The following CENPN variants were observed in gnomAD, a reference collection of about 807,000 sequenced individuals.
CENPN encodes the protein interphase centromere complex protein 32.
CENPN carries 36 observed loss-of-function variants against 48.6 expected under a neutral mutation model. The observed-to-expected ratio is 0.74, with a 90% CI of 0.57 to 0.98. The LOEUF (loss-of-function observed/expected upper bound fraction) is 0.98. CENPN is among the 50% of genes least tolerant of loss of function. The pLI is 0.00. For synonymous variants in CENPN, 166 were observed against 135.2 expected, an observed-to-expected ratio of 1.23 and a Z score of -1.58; for missense variants, 439 against 399.2, an observed-to-expected ratio of 1.10 and a Z score of -0.85.
downstream of CENPN, chr16:81,032,725 A>T: frequency 6.3e-7 from 1 of 1,585,844 alleles, no homozygotes; most frequent in Non-Finnish European, 8.6e-7. Flanking sequence ...TAGACATTTA[A>T]ATGGTTAATC....
At chr16:81,008,307 A>G (rs542234956) in intron 1 of CENPN, among the ~76,000 whole-genome samples, 2 of 152,260 alleles carry the variant, frequency 1.3e-5, no homozygotes, top group East Asian at 3.9e-4. Context: ...CCCTCCTCAC[A>G]GTTTAATTTG....
chr16:81,032,202 A>T (rs1268667696), downstream of CENPN, among the ~76,000 whole-genome samples: 1 of 152,170 alleles, frequency 6.6e-6, no homozygotes, highest in Non-Finnish European at 1.5e-5. Flanking sequence ...CTGTCCTTCA[A>T]ATCTCATTAT....
At chr16:81,012,134 C>T in intron 2 of CENPN, 24 bp downstream of exon 2, 1 of 1,606,320 alleles carries the variant, frequency 6.2e-7, no homozygotes, top group Non-Finnish European at 8.5e-7. Context: ...AAATGATGAG[C>T]CTTGAACAGA....
chr16:81,019,012 G>C (rs567201865), intron 5 of CENPN, among the ~76,000 whole-genome samples: 26 of 152,240 alleles, frequency 1.7e-4, no homozygotes, highest in Non-Finnish European at 3.1e-4. Flanking sequence ...TAAAAGTTTG[G>C]AAAGGCCTGT....
At chr16:81,032,755 T>G, downstream of CENPN, 1 of 1,512,544 alleles carries the variant, frequency 6.6e-7, no homozygotes, top group African/African-American at 1.4e-5. Flanking sequence ...TCTCTCCTGA[T>G]ATACAGCTAA....
At chr16:81,022,576 C>G (rs761417413) in intron 6 of CENPN, 21 bp from the exon 7 acceptor site, 7 of 1,602,328 alleles carry the variant, frequency 4.4e-6, no homozygotes, top group Non-Finnish European at 5.1e-6. Flanking sequence ...TAGTAATAGT[C>G]TTGCAAATTT....
chr16:81,021,235 G>A (rs1044728259), intron 6 of CENPN, among the ~76,000 whole-genome samples: 3 of 152,036 alleles, frequency 2.0e-5, no homozygotes, highest in Admixed American at 6.5e-5. Context: ...TACACAAGGA[G>A]ACTGCTTTCA....
intron 1 of CENPN, among the ~76,000 whole-genome samples, chr16:81,009,605 T>C (rs1272515949): frequency 1.3e-5 from 2 of 152,232 alleles, no homozygotes; most frequent in Non-Finnish European, 2.9e-5. Flanking sequence ...TCTAAATGAC[T>C]CCTAATCCTT....
At chr16:81,017,091 A>G (rs943152529) in intron 3 of CENPN, 4 of 372,806 alleles carry the variant, frequency 1.1e-5, no homozygotes, top group African/African-American at 4.3e-5. Flanking sequence ...AACATAGAAT[A>G]AATACCAAAA....
chr16:81,029,130 A>C lies in CENPN; in HGVS notation c.*479A>C, dbSNP rs1255033131. 3.0e-6 allele frequency: 3 copies of C among 985,598 alleles called. No homozygotes were observed. Among genetic ancestry groups the C allele is most frequent in the African/African-American group, 3.5e-5 (2 of 57,260 alleles). The allele number at this position is 985,598 out of a possible 1,614,324, so 61.1% of individuals were successfully genotyped here. On this transcript the variant is annotated 3_prime_UTR_variant, in exon 11 of 11. Transcript: ENST00000305850. The stretch of plus-strand genomic sequence containing the variant: ...TTTAGGAGAATCATGAAATTGGTCT[A>C]TTCAAAGGATGGAGTTGAGTCCATT...
At chr16:81,020,438 G>C in intron 6 of CENPN, 162 bp downstream of exon 6, 1 of 634,558 alleles carries the variant, frequency 1.6e-6, no homozygotes, top group Non-Finnish European at 2.4e-6. Context: ...TGGGAGGATT[G>C]CTCGTGCCCA....
At chr16:81,021,272 C>G (rs572502140) in intron 6 of CENPN, among the ~76,000 whole-genome samples, 1 of 152,312 alleles carries the variant, frequency 6.6e-6, no homozygotes, top group African/African-American at 2.4e-5. Context: ...TGTTCCGAGC[C>G]TGCTTCTCTT....
At position 81,007,758 on chromosome 16, in the gene CENPN, G is replaced by A. The variant is rs557963579; in HGVS notation, c.-11+481G>A. Among the ~76,000 whole-genome samples, 3 of 152,316 alleles carry A rather than the reference G, an allele frequency of 2.0e-5. No individual in the cohort carries two copies. The South Asian group carries it at 6.2e-4, about 32-fold the overall frequency. ...GATCTTTTTGATCATGCGTTCCACA[G>A]ATCTTGAGCATCTACTGTATGTCAG... is the stretch of plus-strand genomic sequence containing the variant. On this transcript the variant is annotated intron_variant, in intron 1 of 10. Coordinates refer to ENST00000305850, the MANE Select transcript of CENPN (RefSeq NM_001100624.3).
chr16:81,026,049 G>GGA (rs1220102222), intron 8 of CENPN, among the ~76,000 whole-genome samples: 1 of 113,044 alleles, frequency 8.8e-6, no homozygotes, highest in African/African-American at 3.5e-5. Flanking sequence ...TGGGTGCCAT[G>GGA]GAGATATATA....
rs779842046 is a variant in CENPN, at chr16:81,012,068, G to C, written c.129G>C (p.Gln43His). The stretch of plus-strand genomic sequence containing the variant: ...AACTGCAGACTGTAAATTTCCGACA[G>C]AGAAAGGAATCTGTAGTTCAGCACT... The part of the protein sequence containing the change: ...ENQLQTVNFR[Q>H]RKESVVQHLI... Residue 43 changes from glutamine (Q) to histidine (H), a missense_variant, in exon 2 of 11, where the codon CAG becomes CAC. Physicochemically the swap from Gln to His is conservative, Grantham distance 24. Coordinates refer to ENST00000305850, the MANE Select transcript of CENPN (RefSeq NM_001100624.3). 3.3e-5 allele frequency: 53 copies of C among 1,614,066 alleles called. No homozygotes were observed. The highest frequency in any genetic ancestry group is 3.3e-4 in the Middle Eastern group (2 of 6,082).
At chr16:81,012,174 T>C (rs966560338) in intron 2 of CENPN, 64 bp downstream of exon 2, 1 of 1,413,456 alleles carries the variant, frequency 7.1e-7, no homozygotes, top group Non-Finnish European at 9.8e-7. Context: ...TTCTTTCTTC[T>C]ATTCCTTACT....
intron 1 of CENPN, chr16:81,007,573 C>G (rs1969488680): frequency 6.6e-6 from 1 of 152,338 alleles, no homozygotes; most frequent in Non-Finnish European, 1.5e-5. Flanking sequence ...GGGCTCCGCT[C>G]TACGATCCTG....
intron 1 of CENPN, among the ~76,000 whole-genome samples, chr16:81,008,163 G>C (rs534257540): frequency 6.6e-6 from 1 of 152,108 alleles, no homozygotes; most frequent in Non-Finnish European, 1.5e-5. Flanking sequence ...GTTTACTAAA[G>C]GGATTTCCGT....
chr16:81,008,809 GT>G (rs1242056086), intron 1 of CENPN, among the ~76,000 whole-genome samples: 1 of 152,318 alleles, frequency 6.6e-6, no homozygotes, highest in East Asian at 1.9e-4. Context: ...GGCAGTTCTG[GT>G]CTAGGAGTAT....
Sources: allele counts gnomAD v4.1 joint callset (sites outside exome capture counted in the v4.1 genomes callset), GRCh38; gene constraint gnomAD v4.1.1; transcripts MANE v1.5; gene names NCBI Gene and HGNC (gene_info 2026-07-23, HGNC 2026-07-21).